The following PDZD2 variants were observed in gnomAD, a reference collection of about 807,000 sequenced individuals.
PDZD2 encodes the protein PDZ domain-containing protein 2.
In PDZD2, 90 loss-of-function variants were observed where a neutral mutation model predicts 220.7. The observed-to-expected ratio is 0.41, with a 90% confidence interval of 0.34 to 0.49. The LOEUF is 0.49. Among genes scored for constraint, PDZD2 ranks in the 20% least tolerant of loss-of-function variants. PDZD2 has a pLI of 0.28. For synonymous variants in PDZD2, 1,375 were observed against 1,450.5 expected (o/e 0.95, Z 1.18); for missense variants, 3,174 against 3,608.5 (o/e 0.88, Z 3.08).
chr5:31,860,727 GTCT>G (rs1737624360), intron 2 of PDZD2, among the ~76,000 whole-genome samples: 1 of 152,162 alleles, frequency 6.6e-6, no homozygotes, highest in Non-Finnish European at 1.5e-5. Flanking sequence ...GCATGGTAGC[GTCT>G]TCTTCATTGG....
intron 2 of PDZD2, among the ~76,000 whole-genome samples, chr5:31,856,492 T>A (rs1758456732): frequency 6.6e-6 from 1 of 152,156 alleles, no homozygotes; most frequent in African/African-American, 2.4e-5. Flanking sequence ...GCCCTCACCC[T>A]CTCTGAGCCT....
chr5:31,915,986 G>C (rs1162417262), intron 2 of PDZD2, among the ~76,000 whole-genome samples: 1 of 152,198 alleles, frequency 6.6e-6, no homozygotes, highest in Non-Finnish European at 1.5e-5. Flanking sequence ...CAGTGGGAGA[G>C]AGAATGTTGG....
At chr5:31,973,506 C>T (rs780038111) in intron 2 of PDZD2, among the ~76,000 whole-genome samples, 64 of 152,192 alleles carry the variant, frequency 4.2e-4, no homozygotes, top group Non-Finnish European at 7.9e-4. Context: ...TGCTTCAGCA[C>T]AGAGGGATAT....
intron 1 of PDZD2, among the ~76,000 whole-genome samples, chr5:31,666,427 A>T (rs1385586448): frequency 6.6e-6 from 1 of 152,198 alleles, no homozygotes; most frequent in Non-Finnish European, 1.5e-5. Flanking sequence ...CTTACTAATT[A>T]TTTCTGATGA....
chr5:32,030,953 C>G (rs1755068084), intron 6 of PDZD2, among the ~76,000 whole-genome samples: 1 of 152,114 alleles, frequency 6.6e-6, no homozygotes, highest in South Asian at 2.1e-4. Flanking sequence ...TTTCATTCTT[C>G]TCGGTCTTCC....
chr5:31,920,389 C>T (rs929581752), intron 2 of PDZD2, among the ~76,000 whole-genome samples: 1 of 16,660 alleles, frequency 6.0e-5, no homozygotes, highest in Non-Finnish European at 8.8e-5. Context: ...CCATGATCAA[C>T]GCCCCCCCCC....
At chr5:31,832,217 C>A (rs1447159991) in intron 2 of PDZD2, among the ~76,000 whole-genome samples, 4 of 152,048 alleles carry the variant, frequency 2.6e-5, no homozygotes, top group African/African-American at 7.2e-5. Context: ...CTAGAATAGT[C>A]AAATTCATAG....
At chr5:31,766,710 T>A (rs1227552272) in intron 1 of PDZD2, among the ~76,000 whole-genome samples, 3 of 150,492 alleles carry the variant, frequency 2.0e-5, no homozygotes, top group African/African-American at 4.9e-5. Context: ...ATTCATAAGT[T>A]CTTTTTTAAA....
At chr5:31,945,685 C>T (rs1354881127) in intron 2 of PDZD2, among the ~76,000 whole-genome samples, 5 of 151,974 alleles carry the variant, frequency 3.3e-5, no homozygotes, top group Non-Finnish European at 4.4e-5. Flanking sequence ...TCTGCCGCAG[C>T]TTTCATAGTT....
chr5:32,007,470 T>C (rs1415697831), intron 5 of PDZD2, among the ~76,000 whole-genome samples: 2 of 152,178 alleles, frequency 1.3e-5, no homozygotes, highest in African/African-American at 4.8e-5. Context: ...CACTTTTTTT[T>C]CCCTTTCCTT....
intron 1 of PDZD2, among the ~76,000 whole-genome samples, chr5:31,736,140 G>C (rs539203769): frequency 6.6e-6 from 1 of 152,192 alleles, no homozygotes; most frequent in Admixed American, 6.5e-5. Flanking sequence ...CTATTCACTG[G>C]GTGGAAAATA....
At chr5:31,862,059 C>A (rs1456329007) in intron 2 of PDZD2, among the ~76,000 whole-genome samples, 1 of 148,420 alleles carries the variant, frequency 6.7e-6, no homozygotes, top group South Asian at 2.1e-4. Flanking sequence ...ATGAACAACA[C>A]AAGGATTGCT....
In PDZD2 at chr5:32,081,719, T is replaced by A. The variant is rs114523066; in HGVS notation, c.3682+4113T>A. ...AAGGATGTTCTTCAAAACATGTCTT[T>A]GTTTTGTTTTGTTTTGTTTTGTGGC... is the stretch of plus-strand genomic sequence containing the variant. On this transcript the variant is annotated intron_variant, in intron 19 of 24. Transcript: ENST00000438447. 3.4e-3 allele frequency among the ~76,000 whole-genome samples: 514 copies of A among 152,238 alleles called. 1 individual carries two copies. Among genetic ancestry groups the A allele is most frequent in the South Asian group, 0.012 (59 of 4,818 alleles).
At chr5:31,709,476 C>T (rs1424872289) in intron 1 of PDZD2, among the ~76,000 whole-genome samples, 1 of 140,786 alleles carries the variant, frequency 7.1e-6, no homozygotes, top group Non-Finnish European at 1.5e-5. Context: ...GACTAAGACC[C>T]TGTCTCAGGA....
intron 2 of PDZD2, among the ~76,000 whole-genome samples, chr5:31,868,363 T>C (rs1209407534): frequency 6.6e-6 from 1 of 152,242 alleles, no homozygotes; most frequent in East Asian, 1.9e-4. Context: ...GAGAATCGCT[T>C]GGGCCTGGGA....
intron 1 of PDZD2, among the ~76,000 whole-genome samples, chr5:31,745,484 A>G (rs146275670): frequency 3.3e-4 from 50 of 152,338 alleles, no homozygotes; most frequent in African/African-American, 1.1e-3. Context: ...TCCTCCAAGA[A>G]GCTCTCACAC....
intron 3 of PDZD2, among the ~76,000 whole-genome samples, chr5:31,988,406 C>T (rs1025064632): frequency 6.8e-6 from 1 of 146,260 alleles, no homozygotes; most frequent in African/African-American, 2.6e-5. Context: ...AGAGGGTTCC[C>T]AGCACAGGAG....
chr5:31,840,754 T>C, intron 2 of PDZD2: 1 of 808,814 alleles, frequency 1.2e-6, no homozygotes, highest in Non-Finnish European at 2.2e-6. Context: ...TTTACAACAA[T>C]GCCAACAGCA....
At chr5:31,821,014 T>C (rs896937380) in intron 2 of PDZD2, among the ~76,000 whole-genome samples, 1 of 152,088 alleles carries the variant, frequency 6.6e-6, no homozygotes, top group African/African-American at 2.4e-5. Flanking sequence ...GCACTGGATA[T>C]GCATTTAAAT....
Sources: allele counts gnomAD v4.1 joint callset (sites outside exome capture counted in the v4.1 genomes callset), GRCh38; gene constraint gnomAD v4.1.1; transcripts MANE v1.5; gene names NCBI Gene and HGNC (gene_info 2026-07-23, HGNC 2026-07-21).